The following GPATCH1 variants were observed in gnomAD, a reference collection of about 807,000 sequenced individuals.
GPATCH1 encodes G-patch domain containing 1.
GPATCH1 carries 73 observed loss-of-function variants against 114.9 expected under a neutral mutation model. The observed-to-expected ratio is 0.64, with a 90% confidence interval of 0.53 to 0.77. The LOEUF (loss-of-function observed/expected upper bound fraction) is 0.77, where lower values mean the gene tolerates loss of function less well. Ranked by LOEUF, GPATCH1 falls within the 30% of genes least tolerant of loss-of-function variation. GPATCH1 has a pLI of 0.00. For synonymous variants in GPATCH1, 391 were observed against 428.4 expected (o/e 0.91, Z 1.08); for missense variants, 1,058 against 1,144.3 (o/e 0.92, Z 1.09).
chr19:33,100,495 C>T (rs182040143), intron 8 of GPATCH1, among the ~76,000 whole-genome samples: 52 of 147,742 alleles, frequency 3.5e-4, no homozygotes, highest in African/African-American at 4.0e-4. Context: ...GGCTGAGGCA[C>T]GAGAATCACT....
Position 33,125,052 on chromosome 19 carries a change from A to G in GPATCH1, c.2522-53A>G, listed in dbSNP as rs1037616259. 3 of 1,549,116 alleles carry G rather than the reference A, an allele frequency of 1.9e-6. No individual in the cohort carries two copies. The African/African-American group carries it at 4.1e-5, about 21-fold the overall frequency. ...GCAGTTTAGGAGCTTAGTTTTGGAT[A>G]GTCTTTGTTTTCGTGCTATATAGGT... On this transcript the variant is annotated intron_variant, in intron 17 of 19. Transcript: ENST00000170564.
chr19:33,091,578 C>G (rs539068056), intron 3 of GPATCH1, among the ~76,000 whole-genome samples: 3 of 152,062 alleles, frequency 2.0e-5, no homozygotes, highest in African/African-American at 7.2e-5. Flanking sequence ...AAAACCTGGT[C>G]GCGGATTCAC....
chr19:33,119,422 G>A lies in GPATCH1; in HGVS notation c.2521+305G>A, dbSNP rs928190980. Among the ~76,000 whole-genome samples the A allele has an allele frequency of 4.6e-5, 7 of 152,222 alleles. 1 individual carries two copies. Among genetic ancestry groups the A allele is most frequent in the Middle Eastern group, 3.4e-3 (1 of 294 alleles). ...GAGCTTAAAGAAAAAGAGCCTGGCC[G>A]GGCACAGTGGCTCATGCCTGTAATC... On this transcript the variant is annotated intron_variant, in intron 17 of 19. Coordinates refer to ENST00000170564, the MANE Select transcript of GPATCH1 (RefSeq NM_018025.3).
chr19:33,105,843 C>T (rs58173463), intron 9 of GPATCH1, among the ~76,000 whole-genome samples: 82,651 of 150,926 alleles, frequency 0.55, 26,841 homozygotes, highest in African/African-American at 0.88. Context: ...ATTTATTTGT[C>T]TTTCTTTTTT....
chr19:33,087,373 C>T lies in GPATCH1; in HGVS notation c.74-761C>T, dbSNP rs1972543836. 2.0e-5 allele frequency among the ~76,000 whole-genome samples: 3 copies of T among 152,008 alleles called. No individual in the cohort carries two copies. In the South Asian group the frequency reaches 6.2e-4, roughly 31 times the overall value. Reference sequence around the variant, plus strand: ...AAACCTAAGGAATTGTTAGGCTAGGCCTAAAATGTATTAGATTAAATTCCC... The same window carrying T: ...AAACCTAAGGAATTGTTAGGCTAGGTCTAAAATGTATTAGATTAAATTCCC... On this transcript the variant is annotated intron_variant, in intron 1 of 19. Coordinates refer to ENST00000170564, the MANE Select transcript of GPATCH1 (RefSeq NM_018025.3).
intron 19 of GPATCH1, among the ~76,000 whole-genome samples, chr19:33,129,076 A>G (rs1221443366): frequency 6.6e-6 from 1 of 151,862 alleles, no homozygotes; most frequent in East Asian, 1.9e-4. Flanking sequence ...TGAAACCCCA[A>G]ACCCCATCTC....
At chr19:33,121,658 A>G (rs1972986540) in intron 17 of GPATCH1, among the ~76,000 whole-genome samples, 1 of 152,154 alleles carries the variant, frequency 6.6e-6, no homozygotes, top group Non-Finnish European at 1.5e-5. Context: ...TAGCAAATAC[A>G]ATAAAATGGT....
intron 9 of GPATCH1, among the ~76,000 whole-genome samples, chr19:33,104,727 G>A (rs559100310): frequency 3.3e-5 from 5 of 152,194 alleles, no homozygotes; most frequent in South Asian, 2.1e-4. Flanking sequence ...GAGAGGGGCC[G>A]GGAGAGAGGG....
intron 17 of GPATCH1, among the ~76,000 whole-genome samples, chr19:33,121,322 T>TTTC (rs1451221961): frequency 1.4e-5 from 2 of 142,706 alleles, no homozygotes; most frequent in Middle Eastern, 3.3e-3. Context: ...TTTCTTTTCT[T>TTTC]TTTTTTTTTT....
At chr19:33,091,703 T>TA (rs1972598158) in intron 3 of GPATCH1, among the ~76,000 whole-genome samples, 1 of 152,172 alleles carries the variant, frequency 6.6e-6, no homozygotes, top group South Asian at 2.1e-4. Flanking sequence ...GACACACATT[T>TA]ACCTGTGTAA....
intron 3 of GPATCH1, among the ~76,000 whole-genome samples, chr19:33,092,470 T>G (rs577159099): frequency 1.9e-4 from 29 of 152,226 alleles, no homozygotes; most frequent in African/African-American, 6.5e-4. Flanking sequence ...GCAAGGAAAG[T>G]GGGATCAAAA....
At chr19:33,098,048 G>A (rs1972684027) in intron 8 of GPATCH1, 146 bp downstream of exon 8, 1 of 834,466 alleles carries the variant, frequency 1.2e-6, no homozygotes, top group African/African-American at 1.7e-5. Context: ...GGCCCAGCAT[G>A]GGAAGTGAAA....
At chr19:33,113,290 A>G (rs1317402071) in intron 13 of GPATCH1, 1 of 156,630 alleles carries the variant, frequency 6.4e-6, no homozygotes, top group Non-Finnish European at 1.4e-5. Context: ...AAAATACAAA[A>G]AATTAGCTGG....
chr19:33,098,295 G>A (rs1972686925), intron 8 of GPATCH1, among the ~76,000 whole-genome samples: 1 of 152,216 alleles, frequency 6.6e-6, no homozygotes. Context: ...GGGACCAGGA[G>A]GCAGGTACAC....
At chr19:33,086,400 T>A (rs1278494329) in intron 1 of GPATCH1, among the ~76,000 whole-genome samples, 2 of 152,208 alleles carry the variant, frequency 1.3e-5, no homozygotes, top group Non-Finnish European at 2.9e-5. Context: ...GGCTTCTTTA[T>A]TACCTTGATT....
intron 19 of GPATCH1, among the ~76,000 whole-genome samples, chr19:33,129,928 A>C (rs1973083508): frequency 6.8e-6 from 1 of 147,144 alleles, no homozygotes; most frequent in Non-Finnish European, 1.5e-5. Flanking sequence ...TGGGCGACAA[A>C]AGTGAGACTC....
At chr19:33,095,975 A>C (rs868493884) in intron 6 of GPATCH1, among the ~76,000 whole-genome samples, 155 bp downstream of exon 6, 1 of 152,206 alleles carries the variant, frequency 6.6e-6, no homozygotes, top group South Asian at 2.1e-4. Flanking sequence ...ATCAGCATAC[A>C]TATTCAGCAA....
Position 33,096,341 on chromosome 19 carries a change from A to G in GPATCH1, c.747A>G (p.Gly249=). ...TGGATCCCCACCAGGCACTGTTTGG[A>G]ACTTCGGGAGAACATTTTAATCTTT... The part of the protein sequence containing the change: ...KGLDPHQALF[G]TSGEHFNLFS... The change falls in exon 7 of 20, where the codon GGA becomes GGG. Residue 249 remains glycine (G), a synonymous_variant. Coordinates refer to ENST00000170564, the MANE Select transcript of GPATCH1 (RefSeq NM_018025.3). 6.2e-7 allele frequency: 1 copy of G among 1,614,124 alleles called. No individual in the cohort carries two copies.
At chr19:33,115,225 ATTT>A (rs71176196) in intron 15 of GPATCH1, among the ~76,000 whole-genome samples, 5,160 of 56,098 alleles carry the variant, frequency 0.092, 141 homozygotes, top group East Asian at 0.18. Flanking sequence ...TGCCTGGCTA[ATTT>A]TTTTTTTTTT....
Sources: gnomAD v4.1 joint callset for allele counts (sites outside exome capture counted in the v4.1 genomes callset) on GRCh38, gnomAD v4.1.1 for gene constraint, MANE v1.5 for transcripts, NCBI Gene and HGNC (gene_info 2026-07-23, HGNC 2026-07-21) for gene names.